Variants in ELAVL2 observed in about 807,000 individuals in gnomAD.
The protein encoded by ELAVL2 is ELAV-like protein 2.
Under a neutral mutation model 34.6 loss-of-function variants are expected in ELAVL2, and 4 were observed. The ratio of observed to expected loss-of-function variants is 0.12; its 90% CI spans 0.06 to 0.26. The LOEUF is 0.26. ELAVL2 is among the 10% of genes least tolerant of loss of function. The pLI, the probability that ELAVL2 is intolerant of heterozygous loss-of-function variation, is 1.00. For synonymous variants in ELAVL2, 193 were observed against 154.8 expected (o/e 1.25, Z -1.83); for missense variants, 432 against 442.8 (o/e 0.98, Z 0.22).
chr9:23,835,827 C>A, the ELAVL2 span, among the ~76,000 whole-genome samples: 1 of 152,070 alleles, frequency 6.6e-6, no homozygotes, highest in African/African-American at 2.4e-5. Context: ...TTTTAGAGAT[C>A]TAAATTCATT....
At chr9:23,760,266 TATAAA>T (rs2054654138) in intron 2 of ELAVL2, among the ~76,000 whole-genome samples, 1 of 152,038 alleles carries the variant, frequency 6.6e-6, no homozygotes, top group African/African-American at 2.4e-5. Flanking sequence ...ATTTTCATCT[TATAAA>T]ATGATAAAAT....
upstream of ELAVL2, among the ~76,000 whole-genome samples, chr9:23,830,612 A>ACACC (rs1419411576): frequency 6.9e-6 from 1 of 144,884 alleles, no homozygotes; most frequent in Non-Finnish European, 1.5e-5. Context: ...ACACACACAC[A>ACACC]CACACACACA....
chr9:23,712,468 G>A (rs560272383), intron 3 of ELAVL2, among the ~76,000 whole-genome samples: 3 of 152,004 alleles, frequency 2.0e-5, no homozygotes, highest in East Asian at 3.9e-4. Context: ...AACTGTCTTA[G>A]GACAGTTATT....
At chr9:23,713,437 C>G (rs2041524220) in intron 3 of ELAVL2, among the ~76,000 whole-genome samples, 1 of 152,206 alleles carries the variant, frequency 6.6e-6, no homozygotes, top group Admixed American at 6.5e-5. Flanking sequence ...TCAAAATGTT[C>G]CATGTTCCAT....
intron 1 of ELAVL2, among the ~76,000 whole-genome samples, chr9:23,772,234 C>T: frequency 6.6e-6 from 1 of 152,090 alleles, no homozygotes; most frequent in Non-Finnish European, 1.5e-5. Flanking sequence ...TCAAATTAAT[C>T]CCAGTAGTTG....
intron 2 of ELAVL2, among the ~76,000 whole-genome samples, chr9:23,752,043 GA>G (rs2052197558): frequency 1.3e-5 from 2 of 152,098 alleles, no homozygotes; most frequent in South Asian, 4.1e-4. Context: ...CAAACTCCAA[GA>G]AATCTAGGAC....
At chr9:23,810,260 G>C (rs1259915056) in intron 1 of ELAVL2, among the ~76,000 whole-genome samples, 1 of 152,062 alleles carries the variant, frequency 6.6e-6, no homozygotes, top group Non-Finnish European at 1.5e-5. Flanking sequence ...GCTGGCATCA[G>C]AAAGTCACCA....
chr9:23,784,920 T>A (rs907301405), intron 1 of ELAVL2, among the ~76,000 whole-genome samples: 4 of 152,242 alleles, frequency 2.6e-5, no homozygotes, highest in Non-Finnish European at 4.4e-5. Flanking sequence ...GGAAAAATCT[T>A]ATTTGGTTCC....
chr9:23,846,867 T>G, the ELAVL2 span, among the ~76,000 whole-genome samples: 1 of 152,074 alleles, frequency 6.6e-6, no homozygotes, highest in Non-Finnish European at 1.5e-5. Flanking sequence ...CCTTTTAAAA[T>G]CTAGTATCTT....
At chr9:23,699,686 G>T (rs2036469695) in intron 5 of ELAVL2, among the ~76,000 whole-genome samples, 2 of 151,948 alleles carry the variant, frequency 1.3e-5, no homozygotes, top group South Asian at 4.1e-4. Context: ...GGAAACCTAT[G>T]TGCAGAGCTG....
chr9:23,749,456 C>T (rs1249244024), intron 2 of ELAVL2, among the ~76,000 whole-genome samples: 2 of 151,862 alleles, frequency 1.3e-5, no homozygotes, highest in Non-Finnish European at 2.9e-5. Flanking sequence ...GGAGTCTTAC[C>T]GGTAAAATTA....
chr9:23,780,634 G>A lies in ELAVL2; in HGVS notation c.-15-18385C>T, dbSNP rs560893668. 7.9e-5 allele frequency among the ~76,000 whole-genome samples: 12 copies of A among 152,160 alleles called. No homozygotes were observed. In the South Asian group the frequency reaches 2.5e-3, roughly 32 times the overall value. On this transcript the variant is annotated intron_variant, in intron 1 of 6. Transcript: ENST00000397312. ...TTAATGGTCAAGGTTAAAGAAATAA[G>A]AGTATTTGGTCTAAACTCAAATCAA... is the stretch of plus-strand genomic sequence containing the variant.
the ELAVL2 span, among the ~76,000 whole-genome samples, chr9:23,833,579 A>G: frequency 6.6e-6 from 1 of 151,908 alleles, no homozygotes; most frequent in Non-Finnish European, 1.5e-5. Flanking sequence ...CATTATGAAC[A>G]TAAAATCTTT....
At chr9:23,846,551 C>T in the ELAVL2 span, among the ~76,000 whole-genome samples, 4 of 151,872 alleles carry the variant, frequency 2.6e-5, no homozygotes, top group Admixed American at 2.6e-4. Context: ...GTTAGGTCTT[C>T]CTCTTATTTA....
chr9:23,770,116 T>C (rs1009515770), intron 1 of ELAVL2, among the ~76,000 whole-genome samples: 1 of 152,182 alleles, frequency 6.6e-6, no homozygotes, highest in African/African-American at 2.4e-5. Context: ...TGAAGAAGCA[T>C]CTTGGAGTGC....
the ELAVL2 span, among the ~76,000 whole-genome samples, chr9:23,836,386 T>C: frequency 6.6e-6 from 1 of 152,196 alleles, no homozygotes; most frequent in Non-Finnish European, 1.5e-5. Flanking sequence ...TATTTCTAGG[T>C]TCCTTGTGCA....
At chr9:23,729,185 A>G (rs2045959079) in intron 3 of ELAVL2, among the ~76,000 whole-genome samples, 1 of 152,170 alleles carries the variant, frequency 6.6e-6, no homozygotes, top group Admixed American at 6.5e-5. Flanking sequence ...TTAGTAAAAG[A>G]ACTGACACAC....
chr9:23,804,200 G>A (rs1380490486), intron 1 of ELAVL2, among the ~76,000 whole-genome samples: 6 of 150,348 alleles, frequency 4.0e-5, no homozygotes, highest in African/African-American at 7.3e-5. Context: ...TTGAGACGGC[G>A]TCTCGCTCTG....
chr9:23,729,801 G>A (rs2046116357), intron 3 of ELAVL2, among the ~76,000 whole-genome samples: 2 of 152,030 alleles, frequency 1.3e-5, no homozygotes, highest in South Asian at 2.1e-4. Flanking sequence ...ACCACTCAGG[G>A]CTAATAAATT....
Sources: gnomAD v4.1 joint callset for allele counts (sites outside exome capture counted in the v4.1 genomes callset) on GRCh38, gnomAD v4.1.1 for gene constraint, MANE v1.5 for transcripts, NCBI Gene and HGNC (gene_info 2026-07-23, HGNC 2026-07-21) for gene names.